The following TCF4 variants were observed in gnomAD, a reference collection of about 807,000 sequenced individuals.
The protein encoded by TCF4 is transcription factor 4.
Under a neutral mutation model 82.1 loss-of-function variants are expected in TCF4, and 3 were observed. The ratio of observed to expected loss-of-function variants is 0.04; its 90% confidence interval spans 0.02 to 0.09. TCF4 has a LOEUF of 0.09. Ranked by LOEUF, TCF4 falls within the 10% of genes least tolerant of loss-of-function variation. The pLI is 1.00. For synonymous variants in TCF4, 276 were observed against 309.6 expected (o/e 0.89, Z 1.14); for missense variants, 518 against 852.7 (o/e 0.61, Z 4.89).
chr18:55,333,100 A>T (rs2077913922), intron 8 of TCF4, among the ~76,000 whole-genome samples: 1 of 152,220 alleles, frequency 6.6e-6, no homozygotes, highest in South Asian at 2.1e-4. Context: ...CTGAAAGCAT[A>T]TTCTAAAATA....
rs1556003275 is a variant in TCF4, at chr18:55,390,307, A to AG, written c.369+13146_369+13147insC. ...CTCTTAAAAAAAAAAAAAAAAAAAA[A>AG]AAAGAAAGAAAGAAAAGAAAAGTCA... On this transcript the variant is annotated intron_variant, in intron 6 of 19. Transcript: ENST00000354452. 9.2e-4 allele frequency among the ~76,000 whole-genome samples: 129 copies of AG among 140,796 alleles called. 1 individual carries two copies. The highest frequency in any genetic ancestry group is 3.6e-3 in the Middle Eastern group (1 of 280). The allele number at this position is 140,796 out of a possible 152,430, so 92.4% of individuals were successfully genotyped here. A position where few individuals can be genotyped will look rare whatever the true frequency, so the allele number is the denominator to read the frequency against.
chr18:55,304,636 T>C (rs543804350), intron 8 of TCF4, among the ~76,000 whole-genome samples: 2 of 152,232 alleles, frequency 1.3e-5, no homozygotes, highest in East Asian at 1.9e-4. Context: ...GGAATGAACC[T>C]AAGTAATGCA....
At chr18:55,624,693 C>T (rs1221560699) in intron 2 of TCF4, among the ~76,000 whole-genome samples, 9 of 152,090 alleles carry the variant, frequency 5.9e-5, no homozygotes, top group Non-Finnish European at 1.2e-4. Context: ...CAAGTTTCTA[C>T]ATTCTGAAAA....
chr18:55,273,012 A>G (rs945525401), intron 10 of TCF4, among the ~76,000 whole-genome samples: 3 of 152,300 alleles, frequency 2.0e-5, no homozygotes, highest in African/African-American at 7.2e-5. Context: ...CTGTTCTTAA[A>G]AAGAACTCTG....
At chr18:55,536,284 G>C (rs938019955) in intron 3 of TCF4, among the ~76,000 whole-genome samples, 3 of 152,056 alleles carry the variant, frequency 2.0e-5, no homozygotes, top group African/African-American at 4.8e-5. Context: ...AATTACTCTT[G>C]AAAGTTCTAG....
In TCF4 at chr18:55,275,621, A is replaced by G; in HGVS notation, c.787T>C (p.Leu263=). The G allele has an allele frequency of 6.2e-7, 1 of 1,613,768 alleles. No homozygotes were observed. The highest frequency in any genetic ancestry group is 1.1e-5 in the South Asian group (1 of 91,074). ...SYCSLHPHER[L]SYPSHSSADI... ...GTTACCGTGTATGTCTGCCTTACCA[A>G]ACGTTCATGTGGATGCAGGCTACAG... The change falls in exon 10 of 20, where the codon TTG becomes CTG. Residue 263 remains leucine (L), a splice_region_variant and synonymous_variant. Transcript: ENST00000354452.
In TCF4 at chr18:55,243,950, C is replaced by T. The variant is rs1439497087; in HGVS notation, c.1351-9267G>A. Reference sequence around the variant, plus strand: ...TTTCTCAGAGAATCATAACATTGCTCAATGCTAGTACATGAGTTCTGAGAA... The same window carrying T: ...TTTCTCAGAGAATCATAACATTGCTTAATGCTAGTACATGAGTTCTGAGAA... On this transcript the variant is annotated intron_variant, in intron 15 of 19. Coordinates refer to ENST00000354452, the MANE Select transcript of TCF4 (RefSeq NM_001083962.2). 1.6e-4 allele frequency among the ~76,000 whole-genome samples: 24 copies of T among 152,102 alleles called. 1 individual carries two copies. Among genetic ancestry groups the T allele is most frequent in the Admixed American group, 1.6e-3 (24 of 15,266 alleles).
chr18:55,513,241 A>C (rs1174980438), intron 3 of TCF4, among the ~76,000 whole-genome samples: 4 of 152,208 alleles, frequency 2.6e-5, no homozygotes, highest in Admixed American at 2.0e-4. Context: ...TGATTTCTGC[A>C]TAATTCCCAT....
intron 6 of TCF4, among the ~76,000 whole-genome samples, chr18:55,390,306 A>G (rs2092971011): frequency 6.7e-6 from 1 of 150,248 alleles, no homozygotes; most frequent in South Asian, 2.1e-4. Flanking sequence ...AAAAAAAAAA[A>G]AAAAGAAAGA....
At chr18:55,255,499 T>C (rs528226005) in intron 14 of TCF4, among the ~76,000 whole-genome samples, 1 of 152,278 alleles carries the variant, frequency 6.6e-6, no homozygotes, top group South Asian at 2.1e-4. Flanking sequence ...AGGATTCTAG[T>C]TTTTCACAAC....
At chr18:55,507,882 G>A (rs1391787658) in intron 3 of TCF4, among the ~76,000 whole-genome samples, 1 of 152,084 alleles carries the variant, frequency 6.6e-6, no homozygotes, top group East Asian at 1.9e-4. Flanking sequence ...AATTCTCTAG[G>A]CTGAAATAGC....
At chr18:55,431,633 G>A (rs569232798) in intron 5 of TCF4, among the ~76,000 whole-genome samples, 5 of 152,178 alleles carry the variant, frequency 3.3e-5, no homozygotes, top group African/African-American at 7.2e-5. Context: ...ACCCATGCAG[G>A]GCTTTGTATT....
rs568073459 is a variant in TCF4, at chr18:55,462,736, C to T, written c.207+1340G>A. On this transcript the variant is annotated intron_variant, in intron 4 of 19. Transcript: ENST00000354452. ...AAACAATTGAGGGGAGTTCTATGAT[C>T]TCCACTTGCTGTCAAGGGGAATGGA... 1.4e-4 allele frequency among the ~76,000 whole-genome samples: 22 copies of T among 152,260 alleles called. No homozygotes were observed. The South Asian group carries it at 4.2e-3, about 29-fold the overall frequency.
intron 3 of TCF4, among the ~76,000 whole-genome samples, chr18:55,537,127 C>T (rs561129014): frequency 1.4e-5 from 2 of 145,896 alleles, no homozygotes; most frequent in African/African-American, 5.1e-5. Context: ...GAGCGAGACT[C>T]CGTCTCGGAA....
At chr18:55,278,552 T>G (rs1056156707) in intron 9 of TCF4, among the ~76,000 whole-genome samples, 2 of 136,838 alleles carry the variant, frequency 1.5e-5, no homozygotes, top group Admixed American at 1.4e-4. Context: ...ATTCATTTAT[T>G]TATTTGTTTG....
chr18:55,632,016 T>G (rs2097732010), intron 1 of TCF4, among the ~76,000 whole-genome samples: 1 of 152,062 alleles, frequency 6.6e-6, no homozygotes, highest in South Asian at 2.1e-4. Context: ...TGATTAACAG[T>G]TCTTTTTGTT....
At chr18:55,508,836 G>A (rs1471007459) in intron 3 of TCF4, among the ~76,000 whole-genome samples, 1 of 152,058 alleles carries the variant, frequency 6.6e-6, no homozygotes, top group Non-Finnish European at 1.5e-5. Context: ...ATGCTACAAG[G>A]TTTCATTTCA....
In TCF4 at chr18:55,293,931, C is replaced by CTTTTTTTTTTTTTTTTTT. The variant is rs781150808; in HGVS notation, c.550-14293_550-14276dup. ...TTTCATCTTCTAAACTTTCCAAGGA[C>CTTTTTTTTTTTTTTTTTT]TTTTTTTTTTTTTTTTTTTTTTTTT... is the stretch of plus-strand genomic sequence containing the variant. On this transcript the variant is annotated intron_variant, in intron 8 of 19. Coordinates refer to ENST00000354452, the MANE Select transcript of TCF4 (RefSeq NM_001083962.2). Among the ~76,000 whole-genome samples the CTTTTTTTTTTTTTTTTTT allele has an allele frequency of 3.5e-4, 14 of 40,056 alleles. 4 individuals carry two copies. Among genetic ancestry groups the CTTTTTTTTTTTTTTTTTT allele is most frequent in the East Asian group, 1.4e-3 (1 of 710 alleles). The allele number at this position is 40,056 out of a possible 152,430, so 26.3% of individuals were successfully genotyped here.
intron 6 of TCF4, chr18:55,401,568 T>C: frequency 2.0e-6 from 2 of 987,710 alleles, no homozygotes; most frequent in South Asian, 4.7e-5. Context: ...TCTGCCCCTT[T>C]CCACTTCTCA....
Sources: gnomAD v4.1 joint callset for allele counts (sites outside exome capture counted in the v4.1 genomes callset) on GRCh38, gnomAD v4.1.1 for gene constraint, MANE v1.5 for transcripts, NCBI Gene and HGNC (gene_info 2026-07-23, HGNC 2026-07-21) for gene names.